CACNG3: variants seen among roughly 807,000 people sequenced by gnomAD.
CACNG3 encodes voltage-dependent calcium channel gamma-3 subunit.
CACNG3 carries 3 observed loss-of-function variants against 28.5 expected under a neutral mutation model. That is an observed-to-expected ratio of 0.11 (90% CI 0.05 to 0.27). CACNG3 has a LOEUF of 0.27. CACNG3 is among the 10% of genes least tolerant of loss of function. The pLI, the probability that CACNG3 is intolerant of heterozygous loss-of-function variation, is 1.00. For missense variants in CACNG3, 236 were observed against 414.4 expected, an observed-to-expected ratio of 0.57 and a Z score of 3.74; for synonymous variants, 174 against 162.2, an observed-to-expected ratio of 1.07 and a Z score of -0.55.
intron 1 of CACNG3, among the ~76,000 whole-genome samples, chr16:24,315,481 CTCTTTCTTTCTTTTCCTGCTT>C (rs1567216739): frequency 3.4e-5 from 5 of 144,938 alleles, no homozygotes; most frequent in Admixed American, 7.0e-5. Context: ...CTTTCTCTCT[CTCTTTCTTTCTTTTCCTGCTT>C]TCTTTCTTTC....
chr16:24,289,072 T>A (rs1180793820), intron 1 of CACNG3, among the ~76,000 whole-genome samples: 2 of 152,134 alleles, frequency 1.3e-5, no homozygotes, highest in African/African-American at 2.4e-5. Context: ...GGCCACCCAA[T>A]TGAAGTGTCA....
rs530355182 is a variant in CACNG3 at position 24,267,092 on chromosome 16, G to A, written c.211+10127G>A. Among the ~76,000 whole-genome samples the A allele has an allele frequency of 1.3e-4, 19 of 149,724 alleles. No homozygotes were observed. The South Asian group carries it at 2.3e-3, about 18-fold the overall frequency. On this transcript the variant is annotated intron_variant, in intron 1 of 3. Transcript: ENST00000005284. ...CGCCATTCTCCTGCCTCAGCCTCCC[G>A]AGTAGCTGGGACTACAGGAGCCCGC...
chr16:24,346,650 T>C, intron 1 of CACNG3, 84 bp from the exon 2 acceptor site: 1 of 894,370 alleles, frequency 1.1e-6, no homozygotes, highest in East Asian at 2.5e-5. Flanking sequence ...AGAGAAAGGA[T>C]CTGCACATAG....
intron 1 of CACNG3, among the ~76,000 whole-genome samples, chr16:24,303,487 T>TC (rs1171477740): frequency 6.6e-6 from 1 of 152,074 alleles, no homozygotes; most frequent in African/African-American, 2.4e-5. Context: ...ACTGAACCTG[T>TC]CCTAAGGTTC....
intron 1 of CACNG3, among the ~76,000 whole-genome samples, chr16:24,277,726 G>C (rs1310576094): frequency 1.4e-5 from 2 of 147,842 alleles, no homozygotes; most frequent in African/African-American, 5.0e-5. Flanking sequence ...GTTACAGTGA[G>C]CAGAGATTGC....
chr16:24,318,532 C>T (rs1899417450), intron 1 of CACNG3, among the ~76,000 whole-genome samples: 1 of 152,112 alleles, frequency 6.6e-6, no homozygotes, highest in South Asian at 2.1e-4. Flanking sequence ...AAAACAGCAG[C>T]TTCTTGCCTA....
chr16:24,271,294 A>C (rs1898687189), intron 1 of CACNG3, among the ~76,000 whole-genome samples: 1 of 152,124 alleles, frequency 6.6e-6, no homozygotes. Context: ...GTGAAGTAGC[A>C]CCTCATTAGC....
chr16:24,351,755 GGA>G (rs1471777493), intron 2 of CACNG3, among the ~76,000 whole-genome samples: 4 of 63,116 alleles, frequency 6.3e-5, no homozygotes, highest in African/African-American at 1.2e-4. Context: ...AAGGAAGGAA[GGA>G]AGAGAGAGAG....
intron 1 of CACNG3, among the ~76,000 whole-genome samples, chr16:24,263,733 T>A (rs974985497): frequency 7.9e-5 from 12 of 152,236 alleles, no homozygotes; most frequent in African/African-American, 2.9e-4. Flanking sequence ...TGCCATCAAC[T>A]GTTTCTGTTT....
intron 1 of CACNG3, among the ~76,000 whole-genome samples, chr16:24,283,874 A>G (rs1326877315): frequency 2.0e-5 from 3 of 152,172 alleles, no homozygotes; most frequent in Non-Finnish European, 4.4e-5. Context: ...TAACTCCTCC[A>G]GGTTTTCACC....
In CACNG3 at chr16:24,345,537, TA is replaced by T. The variant is rs1379171826; in HGVS notation, c.212-1192del. Among the ~76,000 whole-genome samples the T allele has an allele frequency of 5.9e-5, 9 of 152,004 alleles. No homozygotes were observed. In the South Asian group the frequency reaches 1.5e-3, roughly 25 times the overall value. The stretch of plus-strand genomic sequence containing the variant: ...TCAACATGGTGAAACCCATCTCTCC[TA>T]AAAATACAAAAATTAGCCGGGCATG... On this transcript the variant is annotated intron_variant, in intron 1 of 3. Transcript: ENST00000005284.
At chr16:24,282,406 C>CT (rs11457090) in intron 1 of CACNG3, among the ~76,000 whole-genome samples, 34,387 of 145,952 alleles carry the variant, frequency 0.24, 4,212 homozygotes, top group South Asian at 0.33. Context: ...TCATTACTTC[C>CT]TTTTTTTTTT....
chr16:24,290,381 G>A (rs191613096), intron 1 of CACNG3, among the ~76,000 whole-genome samples: 21 of 152,274 alleles, frequency 1.4e-4, no homozygotes, highest in East Asian at 7.7e-4. Context: ...AAGGTTGACC[G>A]TAAACTGAGC....
intron 1 of CACNG3, among the ~76,000 whole-genome samples, chr16:24,312,928 A>G (rs546792675): frequency 2.6e-3 from 244 of 92,994 alleles, no homozygotes; most frequent in African/African-American, 8.1e-3. Context: ...AGGAAGAAAG[A>G]AAGAAAGAAA....
At chr16:24,353,148 G>GTAT (rs1350672169) in intron 2 of CACNG3, among the ~76,000 whole-genome samples, 2 of 151,830 alleles carry the variant, frequency 1.3e-5, no homozygotes, top group African/African-American at 4.8e-5. Flanking sequence ...GCTGATTTTT[G>GTAT]TATTTTTAGT....
At chr16:24,263,404 C>A (rs895336395) in intron 1 of CACNG3, among the ~76,000 whole-genome samples, 1 of 152,118 alleles carries the variant, frequency 6.6e-6, no homozygotes, top group Admixed American at 6.6e-5. Context: ...TTTAACATTT[C>A]TTTGACATAT....
At chr16:24,300,242 T>C (rs971754326) in intron 1 of CACNG3, among the ~76,000 whole-genome samples, 1 of 152,194 alleles carries the variant, frequency 6.6e-6, no homozygotes, top group African/African-American at 2.4e-5. Context: ...GTTAGTCTTT[T>C]GTTCCCAATT....
At chr16:24,292,210 C>A (rs1230082667) in intron 1 of CACNG3, among the ~76,000 whole-genome samples, 2 of 152,154 alleles carry the variant, frequency 1.3e-5, no homozygotes, top group Non-Finnish European at 2.9e-5. Flanking sequence ...CTGTGCCAAA[C>A]AGCTCGATTT....
At chr16:24,321,176 G>C (rs1453432683) in intron 1 of CACNG3, among the ~76,000 whole-genome samples, 3 of 152,140 alleles carry the variant, frequency 2.0e-5, no homozygotes, top group Non-Finnish European at 2.9e-5. Flanking sequence ...CCGTTGGCTT[G>C]GTTATCAGGC....
Sources: allele counts gnomAD v4.1 joint callset (sites outside exome capture counted in the v4.1 genomes callset), GRCh38; gene constraint gnomAD v4.1.1; transcripts MANE v1.5; gene names NCBI Gene and HGNC (gene_info 2026-07-23, HGNC 2026-07-21).